The following SELENOP variants were observed in gnomAD, a reference collection of about 807,000 sequenced individuals.
The protein encoded by SELENOP is selenoprotein P.
In SELENOP, 36 loss-of-function variants were observed where a neutral mutation model predicts 41.0. The ratio of observed to expected loss-of-function variants is 0.88; its 90% confidence interval spans 0.67 to 1.16. The LOEUF is 1.16. SELENOP is among the 50% of genes most tolerant of loss of function. SELENOP has a pLI of 0.00. For missense variants in SELENOP, 440 were observed against 454.2 expected (o/e 0.97, Z 0.28); for synonymous variants, 144 against 150.8 (o/e 0.95, Z 0.33).
chr5:42,808,916 T>A (rs1760399646), intron 1 of SELENOP, among the ~76,000 whole-genome samples: 1 of 127,758 alleles, frequency 7.8e-6, no homozygotes, highest in African/African-American at 2.8e-5. Context: ...CGAGACTCTG[T>A]CTCAAAAAAA....
intron 1 of SELENOP, chr5:42,809,719 C>T: frequency 1.3e-6 from 1 of 750,552 alleles, no homozygotes; most frequent in Non-Finnish European, 1.6e-6. Context: ...ATTTTTAACC[C>T]TGATTGTCTT....
In SELENOP at chr5:42,801,570, T is replaced by C. The variant is rs576370407; in HGVS notation, c.535-239A>G. On this transcript the variant is annotated intron_variant, in intron 4 of 4. Transcript: ENST00000514985. ...ATTTGCAGAAGCAAATGAAGTAAACTGGCAAAAGGAACTTGGATTGCAGGA... is the reference window on the plus strand; with the variant it reads ...ATTTGCAGAAGCAAATGAAGTAAACCGGCAAAAGGAACTTGGATTGCAGGA... The C allele has an allele frequency of 6.7e-5, 31 of 460,824 alleles. No individual in the cohort carries two copies. In the Admixed American group the frequency reaches 7.0e-4, roughly 10 times the overall value. The allele number at this position is 460,824 out of a possible 1,614,324, so 28.5% of individuals were successfully genotyped here. A position where few individuals can be genotyped will look rare whatever the true frequency, so the allele number is the denominator to read the frequency against.
chr5:42,810,978 T>C (rs374258011), intron 1 of SELENOP, among the ~76,000 whole-genome samples: 5 of 152,220 alleles, frequency 3.3e-5, no homozygotes, highest in Admixed American at 2.0e-4. Context: ...ATAATTATAG[T>C]TGTCAGACAG....
At chr5:42,803,362 A>T (rs1393982780) in intron 4 of SELENOP, among the ~76,000 whole-genome samples, 1 of 152,162 alleles carries the variant, frequency 6.6e-6, no homozygotes, top group African/African-American at 2.4e-5. Flanking sequence ...TTGAGTTAGT[A>T]CTTTTCTTTC....
intron 4 of SELENOP, 106 bp downstream of exon 4, chr5:42,804,549 AT>A (rs1760288617): frequency 1.7e-6 from 1 of 597,010 alleles, no homozygotes; most frequent in African/African-American, 1.9e-5. Context: ...ATTGTTATTT[AT>A]TTTTAGTACA....
chr5:42,801,788 A>G, intron 4 of SELENOP: 2 of 159,848 alleles, frequency 1.3e-5, no homozygotes, highest in Non-Finnish European at 2.7e-5. Context: ...GTGGTGTCAG[A>G]TGCCTGTAGT....
rs1199806534 is a variant in SELENOP at position 42,802,254 on chromosome 5, T to C, written c.535-923A>G. 2.6e-5 allele frequency: 4 copies of C among 152,182 alleles called. No homozygotes were observed. The East Asian group carries it at 5.8e-4, about 22-fold the overall frequency. The allele number at this position is 152,182 out of a possible 1,614,324, so 9.4% of individuals were successfully genotyped here. On this transcript the variant is annotated intron_variant, in intron 4 of 4. Transcript: ENST00000514985. Reference sequence around the variant, plus strand: ...ACTGGAAGTCTTTACTGTTTTGTGGTACCTACTAATCAGAGACTCAAAGCC... The same window carrying C: ...ACTGGAAGTCTTTACTGTTTTGTGGCACCTACTAATCAGAGACTCAAAGCC...
At chr5:42,806,048 G>T (rs1359914883) in intron 3 of SELENOP, 1 of 152,186 alleles carries the variant, frequency 6.6e-6, no homozygotes, top group Non-Finnish European at 1.5e-5. Context: ...AATAATTACG[G>T]ATATGAGATA....
chr5:42,801,405 A>C (rs1760199472), intron 4 of SELENOP, 74 bp from the exon 5 acceptor site: 2 of 1,148,148 alleles, frequency 1.7e-6, no homozygotes, highest in Non-Finnish European at 2.5e-6. Flanking sequence ...TGATTTGTAG[A>C]GCTAACATGT....
chr5:42,800,520 T>C lies in SELENOP; in HGVS notation c.*200A>G. 1 of 582,692 alleles carries C rather than the reference T, an allele frequency of 1.7e-6. No individual in the cohort carries two copies. The highest frequency in any genetic ancestry group is 2.8e-6 in the Non-Finnish European group (1 of 352,242). The allele number at this position is 582,692 out of a possible 1,614,324, so 36.1% of individuals were successfully genotyped here. ...ACCAAAAGCTGCAATCACCTTTCAGTTGCTCCATCATAAAAAATATGGTTT... is the reference window on the plus strand; with the variant it reads ...ACCAAAAGCTGCAATCACCTTTCAGCTGCTCCATCATAAAAAATATGGTTT... On this transcript the variant is annotated 3_prime_UTR_variant, in exon 5 of 5. Coordinates refer to ENST00000514985, the MANE Select transcript of SELENOP (RefSeq NM_005410.4).
At chr5:42,805,069 G>A (rs530033025) in intron 3 of SELENOP, 51 of 187,590 alleles carry the variant, frequency 2.7e-4, no homozygotes, top group Admixed American at 5.5e-4. Flanking sequence ...TTTTGTGACT[G>A]ACTTATAAAT....
At chr5:42,803,760 A>G (rs1311458584) in intron 4 of SELENOP, among the ~76,000 whole-genome samples, 1 of 152,246 alleles carries the variant, frequency 6.6e-6, no homozygotes, top group African/African-American at 2.4e-5. Flanking sequence ...ATTTAAATAT[A>G]GTTCTTCTCA....
intron 3 of SELENOP, 33 bp from the exon 4 acceptor site, chr5:42,804,806 A>G: frequency 1.5e-6 from 2 of 1,312,152 alleles, no homozygotes; most frequent in Non-Finnish European, 2.2e-6. Flanking sequence ...TGTCACTATA[A>G]TATTTTCTGT....
chr5:42,801,422 C>G, intron 4 of SELENOP, 91 bp from the exon 5 acceptor site: 1 of 969,640 alleles, frequency 1.0e-6, no homozygotes, highest in Non-Finnish European at 1.5e-6. Context: ...ATGTGAAATT[C>G]CAACTAGTTA....
chr5:42,810,566 TCTC>T, intron 1 of SELENOP: 1 of 153,406 alleles, frequency 6.5e-6, no homozygotes, highest in East Asian at 1.9e-4. Context: ...TTCAAGCAAT[TCTC>T]CTACCTCACC....
intron 4 of SELENOP, 179 bp from the exon 5 acceptor site, chr5:42,801,510 A>C (rs945028730): frequency 9.3e-6 from 5 of 537,648 alleles, no homozygotes; most frequent in Non-Finnish European, 1.3e-5. Context: ...CATTTTATTA[A>C]AGGCTTAAAA....
rs1760341964 is a variant in SELENOP, at chr5:42,806,919, T to C, written c.393A>G (p.Lys131=). 1.9e-6 allele frequency: 3 copies of C among 1,608,744 alleles called. No individual in the cohort carries two copies. The highest frequency in any genetic ancestry group is 2.6e-6 in the Non-Finnish European group (3 of 1,176,208). The part of the protein sequence containing the change: ...TDVWTLLNGS[K]DDFLIYDRCG... Reference sequence around the variant, plus strand: ...ACCTATCATATATGAGGAAGTCATCTTTGCTTCCATTTAAAAGAGTCCAGA... The same window carrying C: ...ACCTATCATATATGAGGAAGTCATCCTTGCTTCCATTTAAAAGAGTCCAGA... The change falls in exon 3 of 5, where the codon AAA becomes AAG. Residue 131 remains lysine, a synonymous_variant. Coordinates refer to ENST00000514985, the MANE Select transcript of SELENOP (RefSeq NM_005410.4).
chr5:42,810,845 A>G (rs1428605674), intron 1 of SELENOP: 14 of 896,038 alleles, frequency 1.6e-5, no homozygotes, highest in African/African-American at 3.6e-5. Flanking sequence ...ATGATGAAAA[A>G]ATAACCCATT....
Position 42,806,948 on chromosome 5 carries a change from C to T in SELENOP, c.364G>A (p.Asp122Asn). The T allele has an allele frequency of 6.2e-7, 1 of 1,612,166 alleles. No homozygotes were observed. Residue 122 changes from aspartate to asparagine, a missense_variant, in exon 3 of 5, where the codon GAT (aspartate) becomes AAT (asparagine). Transcript: ENST00000514985. ...CTTCCATTTAAAAGAGTCCAGACAT[C>T]TGTTTGGTTTTCTTCTTGTTGATAA... Reference protein sequence around the residue: ...PVYQQEENQTDVWTLLNGSKD... With the variant: ...PVYQQEENQTNVWTLLNGSKD...
Sources: allele counts gnomAD v4.1 joint callset (sites outside exome capture counted in the v4.1 genomes callset), GRCh38; gene constraint gnomAD v4.1.1; transcripts MANE v1.5; gene names NCBI Gene and HGNC (gene_info 2026-07-23, HGNC 2026-07-21).